The following G2E3 variants were observed in gnomAD, a reference collection of about 807,000 sequenced individuals.
G2E3 encodes G2/M-phase specific E3 ubiquitin protein ligase.
G2E3 carries 35 observed loss-of-function variants against 92.8 expected under a neutral mutation model. The ratio of observed to expected loss-of-function variants is 0.38; its 90% confidence interval spans 0.29 to 0.50. The LOEUF is 0.50. Among genes scored for constraint, G2E3 ranks in the 20% least tolerant of loss-of-function variants. The pLI, the probability that G2E3 is intolerant of heterozygous loss-of-function variation, is 0.94. For missense variants in G2E3, 554 were observed against 823.8 expected (o/e 0.67, Z 4.01); for synonymous variants, 242 against 272.4 (o/e 0.89, Z 1.10).
Position 30,616,280 on chromosome 14 carries a change from G to A in G2E3, c.1867G>A (p.Gly623Ser). Reference protein sequence around the residue: ...WNSYLQAVEDGKSTTTMEDIL... With the variant: ...WNSYLQAVEDSKSTTTMEDIL... ...CTTTTATTGGTAAATTTTTTCAGAT[G>A]GTAAATCTACAACAACAATGGAAGA... The change falls in exon 15 of 15, where the codon GGT (glycine) becomes AGT (serine). Residue 623 changes from glycine to serine, a missense_variant and splice_region_variant. This residue lies in a region of G2E3 where 397 missense variants were observed against 560.3 expected (regional missense o/e 0.71). Transcript: ENST00000206595. 2 of 1,597,660 alleles carry A rather than the reference G, an allele frequency of 1.3e-6. No homozygotes were observed. The highest frequency in any genetic ancestry group is 1.7e-6 in the Non-Finnish European group (2 of 1,167,208).
At chr14:30,588,742 C>G (rs1880851553) in intron 3 of G2E3, among the ~76,000 whole-genome samples, 1 of 152,126 alleles carries the variant, frequency 6.6e-6, no homozygotes, top group Admixed American at 6.6e-5. Flanking sequence ...CAGAGCCTGG[C>G]TTGCAAGCCA....
chr14:30,598,413 A>G (rs1480617447), intron 7 of G2E3, 70 bp from the exon 8 acceptor site: 10 of 1,045,322 alleles, frequency 9.6e-6, no homozygotes, highest in African/African-American at 1.6e-5. Flanking sequence ...TTTTATTTTT[A>G]GATTCATTCC....
intron 1 of G2E3, chr14:30,560,814 A>C: frequency 1.4e-6 from 1 of 702,090 alleles, no homozygotes; most frequent in East Asian, 2.7e-5. Flanking sequence ...GGAGGATGGC[A>C]TTGAACAGTC....
chr14:30,568,841 A>G (rs1479843950), intron 1 of G2E3, among the ~76,000 whole-genome samples: 1 of 152,162 alleles, frequency 6.6e-6, no homozygotes, highest in Non-Finnish European at 1.5e-5. Context: ...CAAAAGTGCA[A>G]TAATACTACT....
chr14:30,592,239 C>A, intron 4 of G2E3, 84 bp from the exon 5 acceptor site: 2 of 1,175,408 alleles, frequency 1.7e-6, no homozygotes, highest in Non-Finnish European at 2.5e-6. Context: ...AGATTCCCCA[C>A]CAGGAGTATT....
At chr14:30,611,481 C>T (rs1318825178) in intron 12 of G2E3, 3 of 152,176 alleles carry the variant, frequency 2.0e-5, no homozygotes, top group Admixed American at 1.3e-4. Flanking sequence ...CCTTTAAGAG[C>T]TAACCTGTAT....
intron 8 of G2E3, among the ~76,000 whole-genome samples, chr14:30,601,560 C>G (rs1425794215): frequency 1.3e-5 from 2 of 151,960 alleles, no homozygotes; most frequent in Non-Finnish European, 2.9e-5. Context: ...TGTTTATATT[C>G]TTTGTATGTG....
In G2E3 at chr14:30,597,416, G is replaced by C; in HGVS notation, c.529-4G>C. 1 of 1,433,908 alleles carries C rather than the reference G, an allele frequency of 7.0e-7. No homozygotes were observed. Among genetic ancestry groups the C allele is most frequent in the East Asian group, 2.3e-5 (1 of 43,894 alleles). The allele number at this position is 1,433,908 out of a possible 1,614,324, so 88.8% of individuals were successfully genotyped here. A position where few individuals can be genotyped will look rare whatever the true frequency, so the allele number is the denominator to read the frequency against. On this transcript the variant is annotated splice_polypyrimidine_tract_variant and splice_region_variant and intron_variant, in intron 6 of 14. Coordinates refer to ENST00000206595, the MANE Select transcript of G2E3 (RefSeq NM_017769.5). Reference sequence around the variant, plus strand: ...AACAGTAGACTTTTTATTTTCCACTGTAGGTTCAAGCAATAAATGCGGGAG... The same window carrying C: ...AACAGTAGACTTTTTATTTTCCACTCTAGGTTCAAGCAATAAATGCGGGAG...
chr14:30,596,129 GGTGTGCGTGTGTGTGTGTGTGTGT>G (rs1283994246), intron 6 of G2E3, among the ~76,000 whole-genome samples: 17 of 53,730 alleles, frequency 3.2e-4, no homozygotes, highest in African/African-American at 8.2e-4. Context: ...TGGGTGGGTG[GGTGTGCGTGTGTGTGTGTGTGTGT>G]GTGTGTGTGT....
At chr14:30,585,944 G>T (rs1880691850) in intron 2 of G2E3, among the ~76,000 whole-genome samples, 1 of 152,086 alleles carries the variant, frequency 6.6e-6, no homozygotes, top group South Asian at 2.1e-4. Context: ...TATGCAGAAG[G>T]TTTTCCAAAT....
chr14:30,598,680 A>G (rs1881410353), intron 8 of G2E3, 81 bp downstream of exon 8: 1 of 908,338 alleles, frequency 1.1e-6, no homozygotes. Context: ...AGTTAGTGAA[A>G]CGTAGTTTTT....
chr14:30,563,999 G>A (rs996915321), intron 1 of G2E3, among the ~76,000 whole-genome samples: 2 of 152,128 alleles, frequency 1.3e-5, no homozygotes, highest in African/African-American at 2.4e-5. Flanking sequence ...GATTACAGGC[G>A]TGAGCCACCG....
In G2E3 at chr14:30,618,939, ATG is replaced by A. The variant is rs1301505975; in HGVS notation, c.*2407_*2408del. On this transcript the variant is annotated 3_prime_UTR_variant, in exon 15 of 15. Transcript: ENST00000206595. ...TTTCTTAAATATTGCAATTGCCTAAATGTTGTATATTTTAAGGCTGTTTTCTC... is the reference window on the plus strand; with the variant it reads ...TTTCTTAAATATTGCAATTGCCTAAATTGTATATTTTAAGGCTGTTTTCTC... 1 of 152,076 alleles carries A rather than the reference ATG, an allele frequency of 6.6e-6. No homozygotes were observed. Among genetic ancestry groups the A allele is most frequent in the Non-Finnish European group, 1.5e-5 (1 of 67,924 alleles). The allele number at this position is 152,076 out of a possible 1,614,324, so 9.4% of individuals were successfully genotyped here.
Position 30,601,750 on chromosome 14 carries a change from G to A in G2E3, c.753-20G>A. The A allele has an allele frequency of 2.5e-6, 4 of 1,613,502 alleles. No individual in the cohort carries two copies. Among genetic ancestry groups the A allele is most frequent in the Non-Finnish European group, 3.4e-6 (4 of 1,179,574 alleles). ...AGAATAATAACAAAATGTAAGTTCT[G>A]CTTTTCTTTGTGTCCTCAGCAAATG... On this transcript the variant is annotated intron_variant, in intron 8 of 14. Coordinates refer to ENST00000206595, the MANE Select transcript of G2E3 (RefSeq NM_017769.5).
At chr14:30,585,087 G>T (rs1880635484) in intron 2 of G2E3, among the ~76,000 whole-genome samples, 1 of 152,030 alleles carries the variant, frequency 6.6e-6, no homozygotes, top group South Asian at 2.1e-4. Context: ...GCCCGCCTGG[G>T]CCTCCCAAAG....
chr14:30,609,211 C>T (rs1881974782), intron 12 of G2E3, among the ~76,000 whole-genome samples: 1 of 152,042 alleles, frequency 6.6e-6, no homozygotes, highest in Non-Finnish European at 1.5e-5. Flanking sequence ...TTTAATTCTT[C>T]GTTTTTCTTT....
chr14:30,568,167 C>T (rs1380430140), intron 1 of G2E3, among the ~76,000 whole-genome samples: 2 of 151,930 alleles, frequency 1.3e-5, no homozygotes, highest in Admixed American at 1.3e-4. Context: ...TCTTTAATGT[C>T]CTTTGAGTCC....
chr14:30,570,569 C>T (rs576955152), intron 1 of G2E3, among the ~76,000 whole-genome samples: 1 of 152,152 alleles, frequency 6.6e-6, no homozygotes, highest in East Asian at 1.9e-4. Flanking sequence ...TTCAACTAAC[C>T]TGTCTTCAAG....
intron 1 of G2E3, chr14:30,574,475 TA>T (rs1703496323): frequency 6.6e-6 from 1 of 151,678 alleles, no homozygotes; most frequent in African/African-American, 2.4e-5. Flanking sequence ...GTTACATAGG[TA>T]AACAACATGT....
Sources: gnomAD v4.1 joint callset for allele counts (sites outside exome capture counted in the v4.1 genomes callset) on GRCh38, gnomAD v4.1.1 for gene constraint, gnomAD v4.1.1 regional missense constraint, MANE v1.5 for transcripts, NCBI Gene and HGNC (gene_info 2026-07-23, HGNC 2026-07-21) for gene names.